The following PTPRN2 variants were observed in gnomAD, a reference collection of about 807,000 sequenced individuals.
PTPRN2 encodes the protein receptor-type tyrosine-protein phosphatase N2.
PTPRN2 carries 74 observed loss-of-function variants against 118.8 expected under a neutral mutation model. The observed-to-expected ratio is 0.62, with a 90% CI of 0.52 to 0.76. The LOEUF (loss-of-function observed/expected upper bound fraction) is 0.76, where lower values mean the gene tolerates loss of function less well. PTPRN2 is among the 30% of genes least tolerant of loss of function. The probability of loss-of-function intolerance (pLI) is 0.00; values close to 1 mark genes in which losing one functional copy is unlikely to be tolerated. For missense variants in PTPRN2, 1,481 were observed against 1,394.4 expected (o/e 1.06, Z -0.99); for synonymous variants, 641 against 608.0 (o/e 1.05, Z -0.80).
intron 2 of PTPRN2, among the ~76,000 whole-genome samples, chr7:158,400,749 C>T (rs1230810389): frequency 1.3e-5 from 2 of 152,118 alleles, no homozygotes; most frequent in African/African-American, 4.8e-5. Context: ...CTCAGGCCAA[C>T]CTCAGAGCCT....
chr7:158,356,427 C>T (rs1254471559), intron 2 of PTPRN2, among the ~76,000 whole-genome samples: 1 of 152,238 alleles, frequency 6.6e-6, no homozygotes, highest in Non-Finnish European at 1.5e-5. Flanking sequence ...TTCCCTATCA[C>T]ATTCCCACTT....
At chr7:157,993,175 C>T (rs943875589) in intron 11 of PTPRN2, among the ~76,000 whole-genome samples, 1 of 152,164 alleles carries the variant, frequency 6.6e-6, no homozygotes, top group Admixed American at 6.5e-5. Flanking sequence ...ATATTATGGG[C>T]GGCTCATAAG....
intron 1 of PTPRN2, chr7:158,537,534 C>T (rs1825719778): frequency 6.6e-6 from 1 of 152,378 alleles, no homozygotes; most frequent in Admixed American, 6.5e-5. Flanking sequence ...TCTCCTGCCT[C>T]AGAACAGGGA....
At chr7:157,887,488 A>AGTACCCAACCCCC (rs1796528095) in intron 12 of PTPRN2, among the ~76,000 whole-genome samples, 5 of 36,750 alleles carry the variant, frequency 1.4e-4, no homozygotes, top group Admixed American at 3.9e-4. Flanking sequence ...TGCTGCTGCC[A>AGTACCCAACCCCC]GTACCCACTC....
intron 11 of PTPRN2, among the ~76,000 whole-genome samples, chr7:157,968,279 T>C (rs958779386): frequency 6.8e-6 from 1 of 147,084 alleles, no homozygotes; most frequent in Non-Finnish European, 1.5e-5. Flanking sequence ...TGAGGTTACC[T>C]TTCCTAGGAA....
At chr7:158,007,166 A>C (rs537494666) in intron 11 of PTPRN2, among the ~76,000 whole-genome samples, 1 of 152,180 alleles carries the variant, frequency 6.6e-6, no homozygotes, top group Admixed American at 6.5e-5. Flanking sequence ...ACATAACCTC[A>C]ATCGCCTCCT....
intron 10 of PTPRN2, among the ~76,000 whole-genome samples, chr7:158,094,713 C>T (rs1292139247): frequency 6.6e-6 from 1 of 152,176 alleles, no homozygotes; most frequent in Non-Finnish European, 1.5e-5. Context: ...GAAGTAGAAG[C>T]ATTCACCCAA....
intron 12 of PTPRN2, among the ~76,000 whole-genome samples, chr7:157,800,735 G>A (rs940106081): frequency 2.6e-5 from 4 of 151,876 alleles, no homozygotes; most frequent in East Asian, 3.9e-4. Context: ...GGCGGATCAC[G>A]AGGTCAGGAG....
At chr7:157,931,032 ACT>A (rs1799327345) in intron 11 of PTPRN2, among the ~76,000 whole-genome samples, 1 of 151,982 alleles carries the variant, frequency 6.6e-6, no homozygotes, top group Non-Finnish European at 1.5e-5. Flanking sequence ...GCTCCCACAG[ACT>A]CTGAGTCAAG....
chr7:157,774,231 A>T (rs1803055017), intron 12 of PTPRN2, among the ~76,000 whole-genome samples: 1 of 152,202 alleles, frequency 6.6e-6, no homozygotes, highest in African/African-American at 2.4e-5. Flanking sequence ...TTCTTAAATT[A>T]AAAAAGAAAT....
intron 11 of PTPRN2, among the ~76,000 whole-genome samples, chr7:158,058,883 G>C (rs1186665812): frequency 8.1e-5 from 9 of 111,718 alleles, no homozygotes; most frequent in South Asian, 3.2e-4. Flanking sequence ...CCCACAGTGA[G>C]ACACCACTGC....
chr7:158,145,949 G>C (rs1819930934), intron 6 of PTPRN2, among the ~76,000 whole-genome samples: 1 of 152,150 alleles, frequency 6.6e-6, no homozygotes, highest in Admixed American at 6.6e-5. Context: ...TTCCATATCT[G>C]TAAAATGGTG....
At chr7:158,400,131 T>C (rs1169094034) in intron 2 of PTPRN2, among the ~76,000 whole-genome samples, 1 of 152,176 alleles carries the variant, frequency 6.6e-6, no homozygotes, top group Admixed American at 6.5e-5. Flanking sequence ...CTGTGCTTTC[T>C]GACAGTCTTT....
chr7:157,721,608 G>A (rs1195859099), intron 12 of PTPRN2, among the ~76,000 whole-genome samples: 1 of 152,210 alleles, frequency 6.6e-6, no homozygotes, highest in Non-Finnish European at 1.5e-5. Context: ...CTGAGTCGCA[G>A]CTCCCCTCTA....
rs976507846 is a variant in PTPRN2 at position 157,587,980 on chromosome 7, G to T, written c.2496+7258C>A. Among the ~76,000 whole-genome samples the T allele has an allele frequency of 1.3e-5, 2 of 148,604 alleles. No individual in the cohort carries two copies. Among genetic ancestry groups the T allele is most frequent in the Non-Finnish European group, 3.0e-5 (2 of 66,942 alleles). The stretch of plus-strand genomic sequence containing the variant: ...TGGCTGTCCCCGTGCCTGGGCTCCC[G>T]CGGTGGCTGTCCCCGTGCCTGGGCT... On this transcript the variant is annotated intron_variant, in intron 17 of 22. Coordinates refer to ENST00000389418, the MANE Select transcript of PTPRN2 (RefSeq NM_002847.5). The surrounding 1 kb of genome is among the most constrained non-coding windows in gnomAD (Gnocchi z 5.3).
In PTPRN2 at chr7:158,429,223, G is replaced by A. The variant is rs903627658; in HGVS notation, c.163+60512C>T. 3.6e-4 allele frequency among the ~76,000 whole-genome samples: 55 copies of A among 152,338 alleles called. 2 individuals are homozygous for A. Among genetic ancestry groups the A allele is most frequent in the Middle Eastern group, 3.4e-3 (1 of 294 alleles). ...AGGCTTTCCTGAAGCCGAGAGCACT[G>A]GGAGGCAGCATCTGAGACCTCTCTC... On this transcript the variant is annotated intron_variant, in intron 2 of 22. Coordinates refer to ENST00000389418, the MANE Select transcript of PTPRN2 (RefSeq NM_002847.5).
chr7:157,756,495 A>T (rs1416749517), intron 12 of PTPRN2, among the ~76,000 whole-genome samples: 1 of 152,050 alleles, frequency 6.6e-6, no homozygotes, highest in African/African-American at 2.4e-5. Flanking sequence ...GGGTTGCACC[A>T]TGTTGGCCAG....
chr7:158,032,001 T>G (rs761049963), intron 11 of PTPRN2, among the ~76,000 whole-genome samples: 1 of 152,166 alleles, frequency 6.6e-6, no homozygotes, highest in Non-Finnish European at 1.5e-5. Flanking sequence ...GCAGCCCAGC[T>G]CTCACTTTCA....
chr7:158,419,400 T>C (rs941683558), intron 2 of PTPRN2, among the ~76,000 whole-genome samples: 21 of 137,956 alleles, frequency 1.5e-4, no homozygotes, highest in African/African-American at 5.6e-4. Context: ...ACTGCAAGAA[T>C]TCCATCATTG....
Sources: gnomAD v4.1 joint callset for allele counts (sites outside exome capture counted in the v4.1 genomes callset) on GRCh38, gnomAD v4.1.1 for gene constraint, Gnocchi (gnomAD v3.1) non-coding constraint, MANE v1.5 for transcripts, NCBI Gene and HGNC (gene_info 2026-07-23, HGNC 2026-07-21) for gene names.